The following LENG8 variants were observed in gnomAD, a reference collection of about 807,000 sequenced individuals.
LENG8 encodes the protein leukocyte receptor cluster member 8, also known as leukocyte receptor cluster (LRC) member 8.
In LENG8, 28 loss-of-function variants were observed where a neutral mutation model predicts 102.1. That is an observed-to-expected ratio of 0.27 (90% CI 0.20 to 0.38). The LOEUF (loss-of-function observed/expected upper bound fraction) is 0.38, where lower values mean the gene tolerates loss of function less well. LENG8 is among the 10% of genes least tolerant of loss of function. The probability of loss-of-function intolerance (pLI) is 1.00; values close to 1 mark genes in which losing one functional copy is unlikely to be tolerated. For synonymous variants in LENG8, 531 were observed against 456.7 expected, an observed-to-expected ratio of 1.16 and a Z score of -2.07; for missense variants, 1,022 against 1,113.9, an observed-to-expected ratio of 0.92 and a Z score of 1.17.
chr19:54,460,051 C>T, intron 15 of LENG8: 1 of 1,287,298 alleles, frequency 7.8e-7, no homozygotes, highest in Non-Finnish European at 1.0e-6. Flanking sequence ...ACCTTCCCCC[C>T]AAGGAGGCTG....
rs1444284397 is a variant in LENG8 at position 54,461,178 on chromosome 19, C to T, written c.*250C>T. ...GGCAGCGGAGGGTTGGGGGCATGGT[C>T]TGCAGGCTCATCTGTGTCCGCCTTT... On this transcript the variant is annotated 3_prime_UTR_variant, in exon 16 of 16. Transcript: ENST00000326764. The T allele has an allele frequency of 1.5e-6, 1 of 689,276 alleles. No homozygotes were observed. Among genetic ancestry groups the T allele is most frequent in the East Asian group, 2.8e-5 (1 of 35,958 alleles). The allele number at this position is 689,276 out of a possible 1,614,324, so 42.7% of individuals were successfully genotyped here. A position where few individuals can be genotyped will look rare whatever the true frequency, so the allele number is the denominator to read the frequency against.
In LENG8 at chr19:54,457,815, C is replaced by T. The variant is rs760156671; in HGVS notation, c.1800C>T (p.Cys600=). 6.3e-5 allele frequency: 102 copies of T among 1,614,020 alleles called. No individual in the cohort carries two copies. Among genetic ancestry groups the T allele is most frequent in the Non-Finnish European group, 7.4e-5 (87 of 1,179,954 alleles). ...AGAAGCAGGACTACGCGTTTGCCTGCGAGCAGATGAAGTCGATCCGGCAGG... is the reference window on the plus strand; with the variant it reads ...AGAAGCAGGACTACGCGTTTGCCTGTGAGCAGATGAAGTCGATCCGGCAGG... The part of the protein sequence containing the change: ...WKEKQDYAFA[C]EQMKSIRQDL... Residue 600 remains cysteine, a synonymous_variant, in exon 12 of 16, where the codon TGC becomes TGT. Transcript: ENST00000326764.
intron 4 of LENG8, 69 bp downstream of exon 4, chr19:54,452,821 G>C: frequency 8.9e-7 from 1 of 1,118,180 alleles, no homozygotes; most frequent in Non-Finnish European, 1.4e-6. Context: ...AGGTGAAGTG[G>C]AGTCTGCCGG....
chr19:54,458,945 C>A (rs1021493686), intron 15 of LENG8: 1 of 1,505,644 alleles, frequency 6.6e-7, no homozygotes, highest in South Asian at 1.3e-5. Context: ...AGGACAAGGC[C>A]CAGTCCCACT....
chr19:54,460,230 G>C (rs1000999771), intron 15 of LENG8: 96 of 1,286,900 alleles, frequency 7.5e-5, no homozygotes, highest in Non-Finnish European at 9.6e-5. Context: ...GTGGAAGAGG[G>C]TTCAGGGAGC....
In LENG8 at chr19:54,456,937, G is replaced by A; in HGVS notation, c.1731+16G>A. 6.3e-7 allele frequency: 1 copy of A among 1,596,732 alleles called. No individual in the cohort carries two copies. The highest frequency in any genetic ancestry group is 8.5e-7 in the Non-Finnish European group (1 of 1,175,362). ...CCCTGTGGCAGTAAGTGCCCAGCAGGGCAGTTCTGCTCTGTGAGGCCGTGC... is the reference window on the plus strand; with the variant it reads ...CCCTGTGGCAGTAAGTGCCCAGCAGAGCAGTTCTGCTCTGTGAGGCCGTGC... On this transcript the variant is annotated intron_variant, in intron 11 of 15. Transcript: ENST00000326764.
chr19:54,452,186 G>A lies in LENG8; in HGVS notation c.132G>A (p.Gln44=). The change falls in exon 3 of 16, where the codon CAG becomes CAA. Residue 44 remains glutamine (Q), a synonymous_variant. Coordinates refer to ENST00000326764, the MANE Select transcript of LENG8 (RefSeq NM_052925.4). ...ACCCGGAGTGGGAGAAGGCCCGTCA[G>A]GCCCTGGCCAGCATCAGCAAGTCAG... The part of the protein sequence containing the change: ...HENPEWEKAR[Q]ALASISKSGA... The A allele has an allele frequency of 6.2e-7, 1 of 1,614,126 alleles. No individual in the cohort carries two copies. The highest frequency in any genetic ancestry group is 1.6e-4 in the Middle Eastern group (1 of 6,062).
At position 54,461,465 on chromosome 19, in the gene LENG8, C is replaced by T. The variant is rs575836146; in HGVS notation, c.*537C>T. On this transcript the variant is annotated 3_prime_UTR_variant, in exon 16 of 16. Transcript: ENST00000326764. ...GGGGGAGCTGCTTAGAGACTGTGCCCGTCCTCGGCCCCCCACCCTGAAGTG... is the reference window on the plus strand; with the variant it reads ...GGGGGAGCTGCTTAGAGACTGTGCCTGTCCTCGGCCCCCCACCCTGAAGTG... The T allele has an allele frequency of 6.7e-5, 31 of 461,284 alleles. No individual in the cohort carries two copies. Among genetic ancestry groups the T allele is most frequent in the South Asian group, 4.4e-4 (28 of 64,092 alleles). The allele number at this position is 461,284 out of a possible 1,614,324, so 28.6% of individuals were successfully genotyped here. A position where few individuals can be genotyped will look rare whatever the true frequency, so the allele number is the denominator to read the frequency against.
chr19:54,454,591 G>A lies in LENG8; in HGVS notation c.588G>A (p.Ala196=), dbSNP rs756616529. ...GTAPATQHSQ[A]GPATGQAYGP... ...CTCCAGCCACACAGCACAGCCAGGC[G>A]GGGCCCGCCACGGGCCAGGCCTATG... Residue 196 remains alanine, a synonymous_variant, in exon 6 of 16, where the codon GCG becomes GCA. Coordinates refer to ENST00000326764, the MANE Select transcript of LENG8 (RefSeq NM_052925.4). 4.0e-5 allele frequency: 64 copies of A among 1,608,232 alleles called. No homozygotes were observed. The highest frequency in any genetic ancestry group is 2.9e-4 in the East Asian group (13 of 44,490).
intron 1 of LENG8, among the ~76,000 whole-genome samples, 173 bp from the exon 2 acceptor site, chr19:54,451,117 C>G (rs1038042408): frequency 7.2e-5 from 11 of 152,196 alleles, no homozygotes; most frequent in African/African-American, 2.7e-4. Flanking sequence ...TCCCCTCACT[C>G]CAGCCTTTCT....
chr19:54,454,099 G>A lies in LENG8; in HGVS notation c.427-331G>A, dbSNP rs559695866. Among the ~76,000 whole-genome samples, 6 of 152,170 alleles carry A rather than the reference G, an allele frequency of 3.9e-5. No homozygotes were observed. The East Asian group carries it at 1.2e-3, about 29-fold the overall frequency. ...GCTCCATGAGTGTGTGTGCTCATGG[G>A]TGTCTTGTGCTCAGATGGTAGCGCT... On this transcript the variant is annotated intron_variant, in intron 5 of 15. Transcript: ENST00000326764.
chr19:54,459,939 T>A (rs2084446279), intron 15 of LENG8: 1 of 1,201,366 alleles, frequency 8.3e-7, no homozygotes, highest in Non-Finnish European at 1.1e-6. Flanking sequence ...GTTGGGCGAG[T>A]GTCCTTGTTA....
chr19:54,451,197 G>A (rs1035450), intron 1 of LENG8, 93 bp from the exon 2 acceptor site: 293,666 of 802,518 alleles, frequency 0.37, 58,076 homozygotes, highest in East Asian at 0.61. Context: ...TTTTCTGCCC[G>A]GCTTCTCTTG....
At chr19:54,453,924 T>G (rs2084086391) in intron 5 of LENG8, among the ~76,000 whole-genome samples, 1 of 152,180 alleles carries the variant, frequency 6.6e-6, no homozygotes, top group African/African-American at 2.4e-5. Flanking sequence ...CGGCTGGGTT[T>G]TGCATTGAAT....
At chr19:54,451,580 A>G (rs2083962536) in intron 2 of LENG8, among the ~76,000 whole-genome samples, 198 bp downstream of exon 2, 2 of 152,180 alleles carry the variant, frequency 1.3e-5, no homozygotes, top group African/African-American at 4.8e-5. Flanking sequence ...CACCTCTCTG[A>G]GCTTTCGTTT....
rs960530264 is a variant in LENG8, at chr19:54,462,010, G to A, written c.*1082G>A. ...GAGAAACCAAAATTAAAGAGAGAAA[G>A]AGAGAGCGTGCACGCTCCTGCTTTG... is the stretch of plus-strand genomic sequence containing the variant. On this transcript the variant is annotated 3_prime_UTR_variant, in exon 16 of 16. Coordinates refer to ENST00000326764, the MANE Select transcript of LENG8 (RefSeq NM_052925.4). 12 of 1,451,730 alleles carry A rather than the reference G, an allele frequency of 8.3e-6. No individual in the cohort carries two copies. The highest frequency in any genetic ancestry group is 7.1e-5 in the African/African-American group (5 of 70,522). 89.9% of individuals were successfully genotyped at this position (1,451,730 alleles called of 1,614,324 possible).
chr19:54,459,123 T>A, intron 15 of LENG8: 1 of 1,347,996 alleles, frequency 7.4e-7, no homozygotes, highest in South Asian at 2.1e-5. Flanking sequence ...GACTCATGTT[T>A]AGACGCATGG....
chr19:54,452,200 T>A lies in LENG8; in HGVS notation c.146T>A (p.Ile49Asn). The change falls in exon 3 of 16, where the codon ATC (isoleucine) becomes AAC (asparagine). Residue 49 changes from isoleucine (I) to asparagine (N), a missense_variant. Transcript: ENST00000326764. ...WEKARQALAS[I>N]SKSGAAGGSA... The stretch of plus-strand genomic sequence containing the variant: ...AAGGCCCGTCAGGCCCTGGCCAGCA[T>A]CAGCAAGTCAGGAGCTGCCGGCGGC... 1 of 1,613,982 alleles carries A rather than the reference T, an allele frequency of 6.2e-7. No individual in the cohort carries two copies. The highest frequency in any genetic ancestry group is 8.5e-7 in the Non-Finnish European group (1 of 1,179,988).
chr19:54,456,970 G>A, intron 11 of LENG8, 49 bp downstream of exon 11: 1 of 1,529,534 alleles, frequency 6.5e-7, no homozygotes, highest in Non-Finnish European at 8.8e-7. Flanking sequence ...TGCTGGCTCA[G>A]GACTTGGGGA....
Sources: gnomAD v4.1 joint callset for allele counts (sites outside exome capture counted in the v4.1 genomes callset) on GRCh38, gnomAD v4.1.1 for gene constraint, MANE v1.5 for transcripts, NCBI Gene and HGNC (gene_info 2026-07-23, HGNC 2026-07-21) for gene names.